Variants in TRPM3 observed in about 807,000 individuals in gnomAD.
TRPM3 encodes the protein transient receptor potential cation channel subfamily M member 3.
In TRPM3, 77 loss-of-function variants were observed where a neutral mutation model predicts 181.2. That is an observed-to-expected ratio of 0.42 (90% CI 0.35 to 0.51). TRPM3 has a LOEUF of 0.51. TRPM3 is among the 20% of genes least tolerant of loss of function. The pLI is 0.01. For synonymous variants in TRPM3, 745 were observed against 796.4 expected (o/e 0.94, Z 1.09); for missense variants, 1,759 against 2,196.7 (o/e 0.80, Z 3.98).
chr9:70,625,334 A>G lies in TRPM3; in HGVS notation c.1669-3T>C, dbSNP rs1193704785. 2 of 1,614,062 alleles carry G rather than the reference A, an allele frequency of 1.2e-6. No individual in the cohort carries two copies. The highest frequency in any genetic ancestry group is 2.7e-5 in the African/African-American group (2 of 74,936). ...CTGTAGTCTGGGGGCAGGTTCCCCT[A>G]TCAGGGTAGAATGAAACAAACAGAC... On this transcript the variant is annotated splice_region_variant and splice_polypyrimidine_tract_variant and intron_variant, in intron 13 of 25. Transcript: ENST00000677713. This position sits in a 1 kb window ranked among gnomAD's most constrained non-coding sequence, Gnocchi z 4.8.
intron 1 of TRPM3, among the ~76,000 whole-genome samples, chr9:71,270,643 G>T (rs2083719357): frequency 6.6e-6 from 1 of 152,040 alleles, no homozygotes; most frequent in African/African-American, 2.4e-5. Flanking sequence ...CCCTTCCTGT[G>T]GTAGGAAGAA....
At chr9:70,973,613 T>C (rs1324904046) in intron 1 of TRPM3, among the ~76,000 whole-genome samples, 1 of 152,154 alleles carries the variant, frequency 6.6e-6, no homozygotes, top group Non-Finnish European at 1.5e-5. Flanking sequence ...CCCAACTCCA[T>C]GTTGTGGCAT....
chr9:71,037,147 T>C (rs1484538260), intron 1 of TRPM3, among the ~76,000 whole-genome samples: 1 of 152,228 alleles, frequency 6.6e-6, no homozygotes, highest in Non-Finnish European at 1.5e-5. Flanking sequence ...CCTTTTAGGG[T>C]TATTAATTGA....
chr9:70,939,757 A>C (rs951906762), intron 1 of TRPM3, among the ~76,000 whole-genome samples: 3 of 152,168 alleles, frequency 2.0e-5, no homozygotes, highest in African/African-American at 7.2e-5. Flanking sequence ...ATCTTTGTTT[A>C]CTCATTCTCT....
intron 1 of TRPM3, among the ~76,000 whole-genome samples, chr9:71,400,743 C>G (rs963207502): frequency 2.7e-5 from 4 of 150,592 alleles, no homozygotes; most frequent in African/African-American, 9.8e-5. Flanking sequence ...CAAAAGCAAA[C>G]GGTTTGGTTC....
intron 1 of TRPM3, among the ~76,000 whole-genome samples, chr9:71,018,496 T>C (rs2097805662): frequency 6.6e-6 from 1 of 151,814 alleles, no homozygotes; most frequent in Non-Finnish European, 1.5e-5. Flanking sequence ...CATCGTCATA[T>C]AGCCAGCAGA....
chr9:70,816,173 T>C (rs966155353), intron 6 of TRPM3, among the ~76,000 whole-genome samples: 3 of 152,254 alleles, frequency 2.0e-5, no homozygotes, highest in African/African-American at 7.2e-5. Flanking sequence ...AGTGACCCAG[T>C]TCACTATTTA....
chr9:70,772,796 C>A (rs2080586026), intron 7 of TRPM3, among the ~76,000 whole-genome samples: 1 of 151,856 alleles, frequency 6.6e-6, no homozygotes, highest in African/African-American at 2.4e-5. Context: ...ATGTGCACAA[C>A]AGTAGAAGTG....
At chr9:71,149,500 A>T (rs1269923797) in intron 1 of TRPM3, among the ~76,000 whole-genome samples, 1 of 152,152 alleles carries the variant, frequency 6.6e-6, no homozygotes, top group East Asian at 1.9e-4. Context: ...CTGCAAAAAA[A>T]ATTAACCAAG....
chr9:70,865,344 C>A (rs2095627149), intron 1 of TRPM3: 1 of 152,120 alleles, frequency 6.6e-6, no homozygotes, highest in Admixed American at 6.6e-5. Context: ...TCTTTACCAG[C>A]ATTTGCAATG....
At chr9:71,124,933 A>G (rs778106231), upstream of TRPM3, among the ~76,000 whole-genome samples, 10 of 152,196 alleles carry the variant, frequency 6.6e-5, no homozygotes, top group Non-Finnish European at 1.2e-4. Flanking sequence ...GTAATTTTTC[A>G]GAGTTTATTA....
intron 1 of TRPM3, among the ~76,000 whole-genome samples, chr9:71,404,290 A>G (rs2093395714): frequency 6.6e-6 from 1 of 152,224 alleles, no homozygotes; most frequent in African/African-American, 2.4e-5. Flanking sequence ...ATAAATGATG[A>G]ATAATTGCTT....
chr9:70,693,158 T>C (rs2069087803), intron 8 of TRPM3, among the ~76,000 whole-genome samples: 1 of 152,210 alleles, frequency 6.6e-6, no homozygotes, highest in African/African-American at 2.4e-5. Flanking sequence ...TCGTCTACTC[T>C]TCCCTGCTTT....
intron 22 of TRPM3, among the ~76,000 whole-genome samples, chr9:70,584,993 A>G (rs2056807554): frequency 1.3e-5 from 2 of 152,206 alleles, no homozygotes; most frequent in South Asian, 4.1e-4. Context: ...ATATGTACCA[A>G]GTCAGTGACA....
chr9:71,334,427 C>T (rs188159404), intron 1 of TRPM3, among the ~76,000 whole-genome samples: 2 of 151,838 alleles, frequency 1.3e-5, no homozygotes, highest in East Asian at 3.9e-4. Context: ...AAATGTACTC[C>T]TGGATATAAG....
intron 1 of TRPM3, among the ~76,000 whole-genome samples, chr9:71,170,914 A>T (rs1191148213): frequency 6.6e-6 from 1 of 152,188 alleles, no homozygotes; most frequent in Non-Finnish European, 1.5e-5. Flanking sequence ...GGCAGAACAG[A>T]GCCATATTTC....
chr9:70,671,060 G>A (rs1012704191), intron 9 of TRPM3, among the ~76,000 whole-genome samples: 1 of 152,186 alleles, frequency 6.6e-6, no homozygotes, highest in Non-Finnish European at 1.5e-5. Context: ...ACTGTGGTAA[G>A]TAAAACAGGT....
At chr9:71,429,943 C>T (rs1297867740) in intron 1 of TRPM3, among the ~76,000 whole-genome samples, 1 of 152,172 alleles carries the variant, frequency 6.6e-6, no homozygotes, top group Non-Finnish European at 1.5e-5. Context: ...CATTTAGTAT[C>T]TCCATGGCTT....
intron 1 of TRPM3, among the ~76,000 whole-genome samples, chr9:71,165,253 T>C (rs56248026): frequency 1.3e-5 from 2 of 152,178 alleles, no homozygotes; most frequent in Admixed American, 1.3e-4. Flanking sequence ...TTGTGAGAAT[T>C]AAAAGCATAA....
Sources: allele counts gnomAD v4.1 joint callset (sites outside exome capture counted in the v4.1 genomes callset), GRCh38; gene constraint gnomAD v4.1.1; non-coding constraint Gnocchi (gnomAD v3.1); transcripts MANE v1.5; gene names NCBI Gene and HGNC (gene_info 2026-07-23, HGNC 2026-07-21).